OPHN1: variants seen among roughly 807,000 people sequenced by gnomAD.
OPHN1 encodes the protein oligophrenin-1.
A neutral mutation model predicts 60.7 loss-of-function variants in OPHN1; 11 were observed. The observed-to-expected ratio is 0.18, with a 90% CI of 0.11 to 0.30. The LOEUF (loss-of-function observed/expected upper bound fraction) is 0.30, where lower values mean the gene tolerates loss of function less well. Ranked by LOEUF, OPHN1 falls within the 10% of genes least tolerant of loss-of-function variation. The pLI is 1.00. For missense variants in OPHN1, 449 were observed against 611.0 expected (o/e 0.73, Z 2.80); for synonymous variants, 226 against 222.6 (o/e 1.02, Z -0.14).
intron 8 of OPHN1, among the ~76,000 whole-genome samples, chrX:68,211,192 C>T (rs1455847971): frequency 3.3e-5 from 2 of 60,354 alleles, no homozygotes; most frequent in Non-Finnish European, 6.3e-5. Flanking sequence ...AATCCCAATC[C>T]TCCTAAACAA....
chrX:68,332,938 A>G (rs1257375986), intron 2 of OPHN1, among the ~76,000 whole-genome samples: 1 of 110,775 alleles, frequency 9.0e-6, no homozygotes, highest in Non-Finnish European at 1.9e-5. Context: ...AGAAAATGGG[A>G]GCTAATTTGT....
intron 3 of OPHN1, among the ~76,000 whole-genome samples, chrX:68,285,300 T>C (rs2078036355): frequency 1.8e-5 from 2 of 111,797 alleles, no homozygotes; most frequent in Non-Finnish European, 3.8e-5. Context: ...GTGTCTTAAG[T>C]TGGAAAGTTT....
intron 15 of OPHN1, among the ~76,000 whole-genome samples, chrX:68,172,454 G>A (rs1405922653): frequency 9.0e-6 from 1 of 111,552 alleles, no homozygotes; most frequent in Non-Finnish European, 1.9e-5. Flanking sequence ...TTGGCTTGGA[G>A]CTGGGATAAG....
At chrX:68,160,301 AAGGG>A (rs2077328820) in intron 15 of OPHN1, among the ~76,000 whole-genome samples, 1 of 111,373 alleles carries the variant, frequency 9.0e-6, no homozygotes, top group East Asian at 2.8e-4. Flanking sequence ...GACAGAATTG[AAGGG>A]AAAAATAAAT....
intron 2 of OPHN1, among the ~76,000 whole-genome samples, chrX:68,340,719 G>T (rs1378424405): frequency 9.0e-6 from 1 of 111,536 alleles, no homozygotes. Flanking sequence ...TGAAGAACTG[G>T]CCGGGCACCA....
chrX:68,199,591 T>C (rs1191511499), intron 11 of OPHN1, among the ~76,000 whole-genome samples: 1 of 112,490 alleles, frequency 8.9e-6, no homozygotes, highest in Non-Finnish European at 1.9e-5. Context: ...GCCTGATGCC[T>C]GCTAGGAAGC....
intron 15 of OPHN1, among the ~76,000 whole-genome samples, chrX:68,156,352 AG>A (rs1300824366): frequency 1.8e-5 from 2 of 109,044 alleles, no homozygotes; most frequent in Non-Finnish European, 3.8e-5. Flanking sequence ...GAAAAAAAAA[AG>A]ATAAAAAAAG....
intron 13 of OPHN1, among the ~76,000 whole-genome samples, 199 bp downstream of exon 13, chrX:68,194,266 G>A (rs1245477858): frequency 8.9e-6 from 1 of 112,219 alleles, no homozygotes; most frequent in African/African-American, 3.2e-5. Flanking sequence ...CTCTACCCAC[G>A]ATGTAAGCTA....
chrX:68,427,548 C>G (rs2078866146), intron 2 of OPHN1, among the ~76,000 whole-genome samples: 1 of 109,057 alleles, frequency 9.2e-6, no homozygotes, highest in African/African-American at 3.3e-5. Flanking sequence ...AATCGCTTAT[C>G]AAGGTCACAG....
At chrX:68,057,048 C>T (rs968398012) in intron 21 of OPHN1, among the ~76,000 whole-genome samples, 7 of 111,637 alleles carry the variant, frequency 6.3e-5, no homozygotes, top group African/African-American at 2.3e-4. Flanking sequence ...TCTTGCAAGA[C>T]AGAAAGTATT....
At chrX:68,294,473 CAAAAAAA>C (rs570989143) in intron 3 of OPHN1, among the ~76,000 whole-genome samples, 18 of 10,657 alleles carry the variant, frequency 1.7e-3, no homozygotes, top group East Asian at 8.8e-3. Context: ...GACTCTATCA[CAAAAAAA>C]AAAAAAAAAA....
At position 68,100,640 on chromosome X, in the gene OPHN1, C is replaced by A. The variant is rs1046227137; in HGVS notation, c.1527-3611G>T. On this transcript the variant is annotated intron_variant, in intron 18 of 24. Coordinates refer to ENST00000355520, the MANE Select transcript of OPHN1 (RefSeq NM_002547.3). ...TTGAAATCTTACATAATAAAAAATTCTTCAAAAGGAAAAGACAATAGTGAA... is the reference window on the plus strand; with the variant it reads ...TTGAAATCTTACATAATAAAAAATTATTCAAAAGGAAAAGACAATAGTGAA... Among the ~76,000 whole-genome samples the A allele has an allele frequency of 7.7e-4, 86 of 111,514 alleles. 1 individual carries two copies. Among genetic ancestry groups the A allele is most frequent in the African/African-American group, 2.7e-3 (83 of 30,697 alleles).
chrX:68,304,871 A>G lies in OPHN1; in HGVS notation c.155-5775T>C, dbSNP rs149542335. The stretch of plus-strand genomic sequence containing the variant: ...CCCCAGAAAATTGCCATCCGGTTTA[A>G]TATGTCCTATAAGCTCTATACTCAA... On this transcript the variant is annotated intron_variant, in intron 2 of 24. Coordinates refer to ENST00000355520, the MANE Select transcript of OPHN1 (RefSeq NM_002547.3). Among the ~76,000 whole-genome samples the G allele has an allele frequency of 3.1e-4, 34 of 111,149 alleles. No individual in the cohort carries two copies. In the East Asian group the frequency reaches 8.8e-3, roughly 29 times the overall value.
At chrX:68,211,234 C>A (rs2077583151) in intron 8 of OPHN1, among the ~76,000 whole-genome samples, 1 of 111,487 alleles carries the variant, frequency 9.0e-6, no homozygotes, top group Non-Finnish European at 1.9e-5. Context: ...CTATAACTTA[C>A]CAGCATTTTT....
At chrX:68,268,541 C>T (rs960154504) in intron 5 of OPHN1, among the ~76,000 whole-genome samples, 54 of 111,756 alleles carry the variant, frequency 4.8e-4, no homozygotes, top group Non-Finnish European at 8.6e-4. Context: ...AATTCAACAA[C>T]GCTTCATGCT....
rs562552289 is a variant in OPHN1 at position 68,157,580 on chromosome X, G to A, written c.1276+35339C>T. Reference sequence around the variant, plus strand: ...CAATAGACACTGAAGACTATTAGACGGGGGAAGAAAGAGGAGGGCGTGGGT... The same window carrying A: ...CAATAGACACTGAAGACTATTAGACAGGGGAAGAAAGAGGAGGGCGTGGGT... On this transcript the variant is annotated intron_variant, in intron 15 of 24. Coordinates refer to ENST00000355520, the MANE Select transcript of OPHN1 (RefSeq NM_002547.3). 3.5e-4 allele frequency among the ~76,000 whole-genome samples: 39 copies of A among 111,649 alleles called. 1 individual carries two copies. The South Asian group carries it at 0.01, about 30-fold the overall frequency.
intron 2 of OPHN1, among the ~76,000 whole-genome samples, chrX:68,305,133 C>T (rs1022129691): frequency 9.0e-6 from 1 of 111,276 alleles, no homozygotes; most frequent in Non-Finnish European, 1.9e-5. Flanking sequence ...AATCCCAGCA[C>T]TTTGGGAGGC....
At chrX:68,133,270 A>AAT (rs2077205513) in intron 15 of OPHN1, 4 of 632,249 alleles carry the variant, frequency 6.3e-6, no homozygotes, top group Non-Finnish European at 1.1e-5. Context: ...CCCTCTGACA[A>AAT]ATCGGAATAA....
At chrX:68,294,038 A>G (rs1569271346) in intron 3 of OPHN1, among the ~76,000 whole-genome samples, 1 of 111,539 alleles carries the variant, frequency 9.0e-6, no homozygotes, top group African/African-American at 3.3e-5. Flanking sequence ...CTATTTAGTT[A>G]TCCACCTCCT....
Sources: gnomAD v4.1 joint callset for allele counts (sites outside exome capture counted in the v4.1 genomes callset) on GRCh38, gnomAD v4.1.1 for gene constraint, MANE v1.5 for transcripts, NCBI Gene and HGNC (gene_info 2026-07-23, HGNC 2026-07-21) for gene names.